Variants in HERPUD2 observed in about 807,000 individuals in gnomAD.
The protein encoded by HERPUD2 is homocysteine-responsive endoplasmic reticulum-resident ubiquitin-like domain member 2 protein.
HERPUD2 carries 13 observed loss-of-function variants against 49.9 expected under a neutral mutation model. The ratio of observed to expected loss-of-function variants is 0.26; its 90% CI spans 0.17 to 0.41. HERPUD2 has a LOEUF of 0.41. HERPUD2 is among the 10% of genes least tolerant of loss of function. HERPUD2 has a pLI of 1.00. For synonymous variants in HERPUD2, 172 were observed against 171.4 expected (o/e 1.00, Z -0.03); for missense variants, 449 against 492.2 (o/e 0.91, Z 0.83).
rs377030781 is a variant in HERPUD2, at chr7:35,636,244, C to T, written c.618-786G>A. On this transcript the variant is annotated intron_variant, in intron 6 of 8. Coordinates refer to ENST00000311350, the MANE Select transcript of HERPUD2 (RefSeq NM_022373.5). Reference sequence around the variant, plus strand: ...GTACACATGGATTCCTTTTACTACCCTACCTTGTTATGTTTTTAAATTTTT... The same window carrying T: ...GTACACATGGATTCCTTTTACTACCTTACCTTGTTATGTTTTTAAATTTTT... Among the ~76,000 whole-genome samples, 12 of 152,130 alleles carry T rather than the reference C, an allele frequency of 7.9e-5. No individual in the cohort carries two copies. The East Asian group carries it at 9.6e-4, about 12-fold the overall frequency.
intron 2 of HERPUD2, among the ~76,000 whole-genome samples, chr7:35,684,066 C>A (rs1266896491): frequency 1.3e-5 from 2 of 151,968 alleles, no homozygotes; most frequent in Non-Finnish European, 2.9e-5. Context: ...GGGTATCTAC[C>A]CAGAGGAAAA....
rs1785790588 is a variant in HERPUD2 at position 35,677,503 on chromosome 7, T to C, written c.148-4225A>G. On this transcript the variant is annotated intron_variant, in intron 2 of 8. Coordinates refer to ENST00000311350, the MANE Select transcript of HERPUD2 (RefSeq NM_022373.5). ...ATGACATTGATAAAGGTAATCTTGA[T>C]GGTGTAGCAGGGTAAAAACCTAATT... 2.0e-5 allele frequency among the ~76,000 whole-genome samples: 3 copies of C among 152,290 alleles called. No homozygotes were observed. The South Asian group carries it at 6.2e-4, about 32-fold the overall frequency.
intron 5 of HERPUD2, among the ~76,000 whole-genome samples, chr7:35,660,845 G>C (rs1785402882): frequency 6.6e-6 from 1 of 152,140 alleles, no homozygotes; most frequent in African/African-American, 2.4e-5. Flanking sequence ...TCACTCTGAT[G>C]GTAGTTTATT....
intron 2 of HERPUD2, among the ~76,000 whole-genome samples, chr7:35,683,899 C>CA (rs61021161): frequency 0.025 from 3,848 of 152,166 alleles, 146 homozygotes; most frequent in African/African-American, 0.085. Flanking sequence ...TCAAAAAAAT[C>CA]AAAAAATAAT....
intron 6 of HERPUD2, among the ~76,000 whole-genome samples, chr7:35,637,027 C>T (rs1199850400): frequency 2.0e-5 from 3 of 151,720 alleles, no homozygotes; most frequent in Admixed American, 1.3e-4. Context: ...TCGGCTACTG[C>T]GAGGCTGAGG....
chr7:35,675,621 A>T (rs1227240491), intron 2 of HERPUD2, among the ~76,000 whole-genome samples: 1 of 152,182 alleles, frequency 6.6e-6, no homozygotes, highest in African/African-American at 2.4e-5. Context: ...ACATACATAC[A>T]GTGGAGGGAA....
chr7:35,673,908 T>G (rs1785695050), intron 2 of HERPUD2, among the ~76,000 whole-genome samples: 1 of 152,148 alleles, frequency 6.6e-6, no homozygotes. Flanking sequence ...TCAACACAAG[T>G]GCATGGAGAG....
At position 35,634,352 on chromosome 7, in the gene HERPUD2, T is replaced by C. The variant is rs1296209156; in HGVS notation, c.1019A>G (p.Asn340Ser). The C allele has an allele frequency of 2.5e-6, 4 of 1,613,840 alleles. No homozygotes were observed. Among genetic ancestry groups the C allele is most frequent in the South Asian group, 2.2e-5 (2 of 91,082 alleles). Residue 340 changes from asparagine (N) to serine (S), a missense_variant, in exon 8 of 9, where the codon AAT becomes AGT. Physicochemically the swap from Asn to Ser is conservative, Grantham distance 46. Transcript: ENST00000311350. ...CAAGTTGTTTGCATTTTGCCCATCA[T>C]TGTTAACTTCGGCATTATTGTTGGG... The part of the protein sequence containing the change: ...QAPNNNAEVN[N>S]DGQNANNLEL...
rs547903551 is a variant in HERPUD2 at position 35,667,531 on chromosome 7, C to A, written c.397G>T (p.Ala133Ser). 2 of 1,613,778 alleles carry A rather than the reference C, an allele frequency of 1.2e-6. No individual in the cohort carries two copies. The highest frequency in any genetic ancestry group is 2.2e-5 in the South Asian group (2 of 91,048). The change falls in exon 5 of 9, where the codon GCT (alanine) becomes TCT (serine). Residue 133 changes from alanine to serine, a missense_variant. Transcript: ENST00000311350. ...PSSGQETLSL[A>S]VGSSSEGLRQ... ...AATCCTTCTGAGGAAGAACCCACAG[C>A]TAAAGACAAGGTTTCTTGACCAGAT... is the stretch of plus-strand genomic sequence containing the variant.
rs1308301531 is a variant in HERPUD2 at position 35,647,013 on chromosome 7, A to G, written c.495-8541T>C. On this transcript the variant is annotated intron_variant, in intron 5 of 8. Transcript: ENST00000311350. Reference sequence around the variant, plus strand: ...AGAAGGAGAAAGACTGTCATTCACAATTATATACTTGAAAGCTATACCAAA... The same window carrying G: ...AGAAGGAGAAAGACTGTCATTCACAGTTATATACTTGAAAGCTATACCAAA... 2.6e-5 allele frequency among the ~76,000 whole-genome samples: 4 copies of G among 152,202 alleles called. No homozygotes were observed. In the South Asian group the frequency reaches 6.2e-4, roughly 24 times the overall value.
chr7:35,640,586 G>A (rs147918234), intron 5 of HERPUD2, among the ~76,000 whole-genome samples: 1 of 152,230 alleles, frequency 6.6e-6, no homozygotes, highest in African/African-American at 2.4e-5. Context: ...ACTACTGGAC[G>A]ATATAATTGC....
At chr7:35,672,521 T>C (rs1326419068) in intron 3 of HERPUD2, among the ~76,000 whole-genome samples, 1 of 151,850 alleles carries the variant, frequency 6.6e-6, no homozygotes, top group African/African-American at 2.4e-5. Context: ...ATAAGGAATA[T>C]CCACAACAAC....
chr7:35,661,371 T>G (rs1352260736), intron 5 of HERPUD2, among the ~76,000 whole-genome samples: 2 of 152,346 alleles, frequency 1.3e-5, no homozygotes, highest in East Asian at 3.9e-4. Flanking sequence ...GGCTCTTTTT[T>G]GGTTCCATAT....
chr7:35,687,706 T>C (rs546733231), intron 2 of HERPUD2, among the ~76,000 whole-genome samples: 94 of 152,380 alleles, frequency 6.2e-4, no homozygotes, highest in African/African-American at 2.2e-3. Flanking sequence ...TATGCCATTA[T>C]TGAAAGTGTC....
At chr7:35,681,598 G>A (rs933544301) in intron 2 of HERPUD2, among the ~76,000 whole-genome samples, 7 of 152,054 alleles carry the variant, frequency 4.6e-5, no homozygotes, top group Non-Finnish European at 8.8e-5. Flanking sequence ...TGACAAATGG[G>A]TAAACAAAAT....
intron 5 of HERPUD2, among the ~76,000 whole-genome samples, chr7:35,650,366 T>G (rs1259442501): frequency 6.6e-6 from 1 of 152,058 alleles, no homozygotes; most frequent in Non-Finnish European, 1.5e-5. Flanking sequence ...TGCAGACTCC[T>G]GTAATCCTAG....
chr7:35,667,696 T>C (rs760566700), intron 4 of HERPUD2, 108 bp from the exon 5 acceptor site: 91 of 815,508 alleles, frequency 1.1e-4, no homozygotes, highest in Non-Finnish European at 1.6e-4. Flanking sequence ...CAAAATAACA[T>C]TTCAGAAATT....
At chr7:35,684,203 G>A (rs1291259725) in intron 2 of HERPUD2, among the ~76,000 whole-genome samples, 3 of 152,002 alleles carry the variant, frequency 2.0e-5, no homozygotes, top group Admixed American at 6.5e-5. Context: ...TGGCTAACAC[G>A]GTGAAACCCT....
chr7:35,679,239 TC>T, intron 2 of HERPUD2, among the ~76,000 whole-genome samples: 1 of 152,328 alleles, frequency 6.6e-6, no homozygotes, highest in Non-Finnish European at 1.5e-5. Flanking sequence ...TTTTGAGAAT[TC>T]CTAGTCCCAG....
Sources: gnomAD v4.1 joint callset for allele counts (sites outside exome capture counted in the v4.1 genomes callset) on GRCh38, gnomAD v4.1.1 for gene constraint, MANE v1.5 for transcripts, NCBI Gene and HGNC (gene_info 2026-07-23, HGNC 2026-07-21) for gene names.